Variants in UGGT1 observed in about 807,000 individuals in gnomAD.
UGGT1 encodes UDP-glucose:glycoprotein glucosyltransferase 1.
UGGT1 carries 107 observed loss-of-function variants against 203.9 expected under a neutral mutation model. That is an observed-to-expected ratio of 0.52 (90% CI 0.45 to 0.62). The LOEUF is 0.62. Ranked by LOEUF, UGGT1 falls within the 20% of genes least tolerant of loss-of-function variation. The pLI is 0.00. For missense variants in UGGT1, 1,673 were observed against 1,867.2 expected, an observed-to-expected ratio of 0.90 and a Z score of 1.92; for synonymous variants, 628 against 653.5, an observed-to-expected ratio of 0.96 and a Z score of 0.59.
In UGGT1 at chr2:128,156,374, C is replaced by G; in HGVS notation, c.2237-18C>G. ...AATGATACTTTTTTTCTACTCTTTT[C>G]TCTTTACCTTTGTTCAGGAATGTCC... On this transcript the variant is annotated intron_variant, in intron 20 of 40. Coordinates refer to ENST00000259253, the MANE Select transcript of UGGT1 (RefSeq NM_020120.4). The G allele has an allele frequency of 6.3e-7, 1 of 1,582,476 alleles. No individual in the cohort carries two copies. The highest frequency in any genetic ancestry group is 8.7e-7 in the Non-Finnish European group (1 of 1,153,004).
At chr2:128,156,729 A>G (rs1690252732) in intron 21 of UGGT1, among the ~76,000 whole-genome samples, 1 of 151,844 alleles carries the variant, frequency 6.6e-6, no homozygotes, top group Non-Finnish European at 1.5e-5. Flanking sequence ...CACCACGTCC[A>G]GCTAACTTTT....
intron 20 of UGGT1, among the ~76,000 whole-genome samples, chr2:128,156,126 C>T (rs1048770857): frequency 4.6e-5 from 7 of 152,082 alleles, no homozygotes; most frequent in African/African-American, 1.2e-4. Context: ...CTATTTTTAC[C>T]GCCTTTTTAA....
Position 128,145,934 on chromosome 2 carries a change from G to A in UGGT1, c.1983G>A (p.Glu661=), listed in dbSNP as rs1310103305. 6.2e-7 allele frequency: 1 copy of A among 1,614,062 alleles called. No homozygotes were observed. The highest frequency in any genetic ancestry group is 1.7e-5 in the Admixed American group (1 of 59,982). ...CCATCACAATGCATAAAATCCTGGA[G>A]ACCACCACCTTCTTCCAAAGAGCGG... ...LETITMHKIL[E]TTTFFQRAVY... is the part of the protein sequence containing the mutation. The change falls in exon 18 of 41, where the codon GAG becomes GAA. Residue 661 remains glutamate (E), a synonymous_variant. Transcript: ENST00000259253.
At chr2:128,126,095 C>G (rs1195363536) in intron 11 of UGGT1, among the ~76,000 whole-genome samples, 1 of 151,944 alleles carries the variant, frequency 6.6e-6, no homozygotes, top group African/African-American at 2.4e-5. Context: ...GCGCGTGCCA[C>G]CACGCCCAGC....
rs143691332 is a variant in UGGT1 at position 128,147,842 on chromosome 2, C to T, written c.2016+1875C>T. On this transcript the variant is annotated intron_variant, in intron 18 of 40. Transcript: ENST00000259253. Reference sequence around the variant, plus strand: ...GCCCAGGCAGGTCTCAGGTCGCGAACTCCTGGGCCCAAGTGATCTTTCCGC... The same window carrying T: ...GCCCAGGCAGGTCTCAGGTCGCGAATTCCTGGGCCCAAGTGATCTTTCCGC... 5.3e-3 allele frequency among the ~76,000 whole-genome samples: 800 copies of T among 152,318 alleles called. 12 individuals are homozygous for T. Among genetic ancestry groups the T allele is most frequent in the African/African-American group, 0.017 (706 of 41,558 alleles).
intron 18 of UGGT1, among the ~76,000 whole-genome samples, chr2:128,147,921 T>G (rs994355349): frequency 2.6e-5 from 4 of 152,132 alleles, no homozygotes; most frequent in Non-Finnish European, 2.9e-5. Context: ...TTCTGCATAT[T>G]TAATAATTTT....
In UGGT1 at chr2:128,173,883, A is replaced by T. The variant is rs1691238842; in HGVS notation, c.3397A>T (p.Thr1133Ser). 1.9e-6 allele frequency: 3 copies of T among 1,614,046 alleles called. No individual in the cohort carries two copies. Among genetic ancestry groups the T allele is most frequent in the Admixed American group, 3.3e-5 (2 of 59,986 alleles). The change falls in exon 30 of 41, where the codon ACC becomes TCC. Residue 1133 changes from threonine (T) to serine (S), a missense_variant. By Grantham distance (58) the Thr-to-Ser change is moderately conservative. Around this residue, in one of 4 missense-constraint regions of UGGT1, gnomAD observed 513 missense variants for 684.1 expected, o/e 0.75. Transcript: ENST00000259253. ...CCAGCCTCCACGGGGACTACAGTTTACCTTAGGAACTTCAGCCAACCCGGT... is the reference window on the plus strand; with the variant it reads ...CCAGCCTCCACGGGGACTACAGTTTTCCTTAGGAACTTCAGCCAACCCGGT... ...TGQPPRGLQFTLGTSANPVIV... is the reference protein window; with the variant it reads ...TGQPPRGLQFSLGTSANPVIV...
At chr2:128,125,580 T>C (rs1396767985) in intron 11 of UGGT1, among the ~76,000 whole-genome samples, 4 of 152,152 alleles carry the variant, frequency 2.6e-5, no homozygotes, top group Non-Finnish European at 5.9e-5. Context: ...GTTCTCTTTG[T>C]CTTTGTGGAT....
intron 11 of UGGT1, among the ~76,000 whole-genome samples, chr2:128,123,781 A>G (rs1452428997): frequency 6.6e-6 from 1 of 152,160 alleles, no homozygotes; most frequent in Non-Finnish European, 1.5e-5. Flanking sequence ...CATGCCGGTC[A>G]TCCTGAGACC....
In UGGT1 at chr2:128,170,914, A is replaced by T. The variant is rs376821765; in HGVS notation, c.3025-291A>T. ...TTCATCCTTTGGCATGTGAGCGGTG[A>T]CTCTGAGGCCTGTAGTTTTTCCATG... is the stretch of plus-strand genomic sequence containing the variant. On this transcript the variant is annotated intron_variant, in intron 27 of 40. Transcript: ENST00000259253. 2.0e-5 allele frequency among the ~76,000 whole-genome samples: 3 copies of T among 151,976 alleles called. No individual in the cohort carries two copies. In the South Asian group the frequency reaches 6.2e-4, roughly 32 times the overall value.
intron 12 of UGGT1, 86 bp downstream of exon 12, chr2:128,127,538 A>G (rs558406323): frequency 1.9e-6 from 2 of 1,029,594 alleles, no homozygotes; most frequent in East Asian, 2.5e-5. Context: ...CCTTCTTGAT[A>G]TGGCATGATG....
chr2:128,116,786 A>T (rs542955971), intron 8 of UGGT1, among the ~76,000 whole-genome samples: 3 of 152,014 alleles, frequency 2.0e-5, no homozygotes, highest in African/African-American at 7.2e-5. Context: ...CAGCCTCCCA[A>T]AGTGCTGGGA....
At position 128,176,799 on chromosome 2, in the gene UGGT1, T is replaced by C. The variant is rs1410451867; in HGVS notation, c.3540-15T>C. On this transcript the variant is annotated splice_polypyrimidine_tract_variant and intron_variant, in intron 31 of 40. Coordinates refer to ENST00000259253, the MANE Select transcript of UGGT1 (RefSeq NM_020120.4). ...AATTGTGCCTTGTAATATTGATCTT[T>C]CTTTTCTCGCAAAGCCACGATGGCA... 2 of 1,612,584 alleles carry C rather than the reference T, an allele frequency of 1.2e-6. No individual in the cohort carries two copies. Among genetic ancestry groups the C allele is most frequent in the East Asian group, 4.5e-5 (2 of 44,860 alleles).
rs1341974821 is a variant in UGGT1 at position 128,193,277 on chromosome 2, A to T, written c.*3535A>T. 7.1e-6 allele frequency: 1 copy of T among 141,442 alleles called. No individual in the cohort carries two copies. Among genetic ancestry groups the T allele is most frequent in the Non-Finnish European group, 1.5e-5 (1 of 65,638 alleles). 8.8% of individuals were successfully genotyped at this position (141,442 alleles called of 1,614,324 possible). ...GCCCTCGTGGGTTTTTTTTTAAGAG[A>T]GTCTCATTCTGTCACCCAGGCTGGA... On this transcript the variant is annotated 3_prime_UTR_variant, in exon 41 of 41. Transcript: ENST00000259253.
chr2:128,115,290 G>A lies in UGGT1; in HGVS notation c.793+70G>A. The A allele has an allele frequency of 1.5e-6, 2 of 1,377,214 alleles. 1 individual carries two copies. Among genetic ancestry groups the A allele is most frequent in the South Asian group, 2.4e-5 (2 of 82,212 alleles). The allele number at this position is 1,377,214 out of a possible 1,614,324, so 85.3% of individuals were successfully genotyped here. A position where few individuals can be genotyped will look rare whatever the true frequency, so the allele number is the denominator to read the frequency against. On this transcript the variant is annotated intron_variant, in intron 7 of 40. Coordinates refer to ENST00000259253, the MANE Select transcript of UGGT1 (RefSeq NM_020120.4). The stretch of plus-strand genomic sequence containing the variant: ...GTTAAAGGGGAGTTTGTTTCCATAT[G>A]AAAAATAATAGATTTAGGTGTATGC...
chr2:128,128,798 A>C (rs1688738114), intron 12 of UGGT1, among the ~76,000 whole-genome samples: 2 of 152,232 alleles, frequency 1.3e-5, no homozygotes, highest in Non-Finnish European at 2.9e-5. Flanking sequence ...ATACATATGC[A>C]GTTATAAGAA....
chr2:128,182,097 G>A (rs1189242928), intron 36 of UGGT1, 33 bp from the exon 37 acceptor site: 1 of 1,606,332 alleles, frequency 6.2e-7, no homozygotes, highest in African/African-American at 1.3e-5. Flanking sequence ...TGTCTGCATG[G>A]TTGCTTAACA....
intron 26 of UGGT1, 42 bp from the exon 27 acceptor site, chr2:128,170,246 C>A: frequency 6.3e-7 from 1 of 1,584,320 alleles, no homozygotes; most frequent in Non-Finnish European, 8.7e-7. Context: ...CTTTTGTTTC[C>A]TGTGTCCTCC....
chr2:128,142,155 C>T (rs1233662608), intron 16 of UGGT1, among the ~76,000 whole-genome samples: 3 of 151,888 alleles, frequency 2.0e-5, no homozygotes, highest in African/African-American at 4.8e-5. Flanking sequence ...AGGCTGTTCT[C>T]GAACTCCTGA....
Sources: gnomAD v4.1 joint callset for allele counts (sites outside exome capture counted in the v4.1 genomes callset) on GRCh38, gnomAD v4.1.1 for gene constraint, gnomAD v4.1.1 regional missense constraint, MANE v1.5 for transcripts, NCBI Gene and HGNC (gene_info 2026-07-23, HGNC 2026-07-21) for gene names.